Variants in FSTL4 observed in about 807,000 individuals in gnomAD.
The protein encoded by FSTL4 is follistatin-related protein 4.
In FSTL4, 28 loss-of-function variants were observed where a neutral mutation model predicts 78.2. The observed-to-expected ratio is 0.36, with a 90% CI of 0.27 to 0.49. The LOEUF is 0.49. FSTL4 is among the 20% of genes least tolerant of loss of function. FSTL4 has a pLI of 0.98. For synonymous variants in FSTL4, 422 were observed against 440.5 expected, an observed-to-expected ratio of 0.96 and a Z score of 0.53; for missense variants, 922 against 1,084.9, an observed-to-expected ratio of 0.85 and a Z score of 2.11.
chr5:133,731,280 T>C, the FSTL4 span, among the ~76,000 whole-genome samples: 4 of 152,004 alleles, frequency 2.6e-5, no homozygotes, highest in African/African-American at 9.7e-5. Flanking sequence ...AGCCCTGGCC[T>C]GAAGACAGGG....
intron 3 of FSTL4, among the ~76,000 whole-genome samples, chr5:133,519,185 T>C (rs1199723399): frequency 6.6e-6 from 1 of 152,186 alleles, no homozygotes; most frequent in African/African-American, 2.4e-5. Context: ...TAATCTAACA[T>C]TGCTCATGGT....
At chr5:133,811,597 A>G in the FSTL4 span, among the ~76,000 whole-genome samples, 1 of 152,224 alleles carries the variant, frequency 6.6e-6, no homozygotes, top group Non-Finnish European at 1.5e-5. Flanking sequence ...TTCATGCCTG[A>G]CACCACACAG....
At chr5:133,326,151 G>A (rs2126902913) in intron 4 of FSTL4, among the ~76,000 whole-genome samples, 1 of 152,218 alleles carries the variant, frequency 6.6e-6, no homozygotes, top group East Asian at 1.9e-4. Flanking sequence ...AGGAACAGAT[G>A]TTTAACTTGA....
chr5:133,731,233 C>T, the FSTL4 span, among the ~76,000 whole-genome samples: 1 of 152,062 alleles, frequency 6.6e-6, no homozygotes, highest in Non-Finnish European at 1.5e-5. Flanking sequence ...AATTATAACC[C>T]ATTCGTACTG....
At chr5:133,603,573 A>G (rs1760913936) in intron 2 of FSTL4, among the ~76,000 whole-genome samples, 1 of 152,238 alleles carries the variant, frequency 6.6e-6, no homozygotes, top group South Asian at 2.1e-4. Flanking sequence ...CAGAAAGGCC[A>G]TTCTCCTGAG....
At chr5:133,530,822 C>T (rs1759235682) in intron 3 of FSTL4, among the ~76,000 whole-genome samples, 1 of 152,220 alleles carries the variant, frequency 6.6e-6, no homozygotes, top group African/African-American at 2.4e-5. Flanking sequence ...CCCCACACCC[C>T]AGTGCAGAGA....
In FSTL4 at chr5:133,406,512, T is replaced by C. The variant is rs890023498; in HGVS notation, c.161-5526A>G. Among the ~76,000 whole-genome samples the C allele has an allele frequency of 1.2e-4, 19 of 152,326 alleles. No homozygotes were observed. In the South Asian group the frequency reaches 1.5e-3, roughly 12 times the overall value. On this transcript the variant is annotated intron_variant, in intron 3 of 15. Coordinates refer to ENST00000265342, the MANE Select transcript of FSTL4 (RefSeq NM_015082.2). The stretch of plus-strand genomic sequence containing the variant: ...CTGGTGGGAAGAGAGCAGCCCTCTC[T>C]GAGCTCTGACTACAGGCTACCTTGG...
the FSTL4 span, among the ~76,000 whole-genome samples, chr5:133,806,042 C>G: frequency 2.0e-5 from 3 of 152,238 alleles, no homozygotes; most frequent in East Asian, 5.8e-4. Context: ...CCAGCCAATA[C>G]TGCTAACTTT....
intron 6 of FSTL4, among the ~76,000 whole-genome samples, chr5:133,294,600 A>G (rs894129374): frequency 5.9e-5 from 9 of 152,124 alleles, no homozygotes; most frequent in African/African-American, 1.9e-4. Flanking sequence ...TAAACATCCA[A>G]GTTGATTACC....
At chr5:133,304,361 C>T (rs953319601) in intron 6 of FSTL4, among the ~76,000 whole-genome samples, 2 of 152,070 alleles carry the variant, frequency 1.3e-5, no homozygotes, top group Non-Finnish European at 2.9e-5. Flanking sequence ...GGCTGTGTGA[C>T]ACATGAACAT....
At chr5:133,368,885 C>G (rs1755231100) in intron 4 of FSTL4, among the ~76,000 whole-genome samples, 1 of 152,238 alleles carries the variant, frequency 6.6e-6, no homozygotes, top group Admixed American at 6.5e-5. Context: ...TCTAATAATT[C>G]TATTTCACTG....
chr5:133,294,784 G>T (rs1753350346), intron 6 of FSTL4, among the ~76,000 whole-genome samples: 1 of 152,086 alleles, frequency 6.6e-6, no homozygotes, highest in Non-Finnish European at 1.5e-5. Flanking sequence ...GCCCCACCGG[G>T]AATCTACTGA....
At chr5:133,270,661 G>A (rs1460647821) in intron 6 of FSTL4, among the ~76,000 whole-genome samples, 2 of 152,146 alleles carry the variant, frequency 1.3e-5, no homozygotes, top group African/African-American at 2.4e-5. Flanking sequence ...CAGCATTTCT[G>A]CCCTGCAAGA....
chr5:133,201,921 G>A lies in FSTL4; in HGVS notation c.1826+12C>T. The A allele has an allele frequency of 1.3e-6, 2 of 1,507,420 alleles. No homozygotes were observed. The highest frequency in any genetic ancestry group is 2.3e-5 in the East Asian group (1 of 44,402). The allele number at this position is 1,507,420 out of a possible 1,614,324, so 93.4% of individuals were successfully genotyped here. A position where few individuals can be genotyped will look rare whatever the true frequency, so the allele number is the denominator to read the frequency against. On this transcript the variant is annotated intron_variant, in intron 15 of 15. Coordinates refer to ENST00000265342, the MANE Select transcript of FSTL4 (RefSeq NM_015082.2). ...CGGGGAGTGCCTTAGAGGCATCATG[G>A]GCCAGTCTCACCTGATGTGGTTGAT...
chr5:133,560,881 T>C lies in FSTL4; in HGVS notation c.160+6305A>G, dbSNP rs540659578. Among the ~76,000 whole-genome samples, 12 of 150,912 alleles carry C rather than the reference T, an allele frequency of 8.0e-5. No homozygotes were observed. The East Asian group carries it at 2.4e-3, about 30-fold the overall frequency. On this transcript the variant is annotated intron_variant, in intron 3 of 15. Coordinates refer to ENST00000265342, the MANE Select transcript of FSTL4 (RefSeq NM_015082.2). ...GCGGGCAGATCACGAGGTCAGGAGA[T>C]AGAGACCATCCTGGCTAACACAGTG...
At chr5:133,347,254 CCT>C (rs1410149380) in intron 4 of FSTL4, among the ~76,000 whole-genome samples, 9 of 152,156 alleles carry the variant, frequency 5.9e-5, no homozygotes, top group Admixed American at 5.2e-4. Context: ...GTGTGAACTC[CCT>C]CTGTCGGGAG....
chr5:133,317,260 C>T (rs1395402935), intron 4 of FSTL4, among the ~76,000 whole-genome samples: 4 of 152,218 alleles, frequency 2.6e-5, no homozygotes, highest in East Asian at 1.9e-4. Context: ...ATCCCAGGCG[C>T]GCTTGCTGAA....
chr5:133,671,589 G>T, the FSTL4 span, among the ~76,000 whole-genome samples: 1 of 152,198 alleles, frequency 6.6e-6, no homozygotes, highest in African/African-American at 2.4e-5. Context: ...TTTGCCACAA[G>T]AGTACACCGA....
chr5:133,357,045 G>A (rs1754957633), intron 4 of FSTL4, among the ~76,000 whole-genome samples: 1 of 152,362 alleles, frequency 6.6e-6, no homozygotes, highest in South Asian at 2.1e-4. Context: ...AGTCCATTGG[G>A]CACAAGTGTG....
Sources: gnomAD v4.1 joint callset for allele counts (sites outside exome capture counted in the v4.1 genomes callset) on GRCh38, gnomAD v4.1.1 for gene constraint, MANE v1.5 for transcripts, NCBI Gene and HGNC (gene_info 2026-07-23, HGNC 2026-07-21) for gene names.